Variants in MMP26 observed in about 807,000 individuals in gnomAD.
MMP26 encodes matrix metalloproteinase-26.
In MMP26, 33 loss-of-function variants were observed where a neutral mutation model predicts 31.0. The ratio of observed to expected loss-of-function variants is 1.06; its 90% CI spans 0.81 to 1.42. MMP26 has a LOEUF of 1.42. Ranked by LOEUF, MMP26 falls within the 40% of genes most tolerant of loss-of-function variation. MMP26 has a pLI of 0.00. For missense variants in MMP26, 347 were observed against 316.1 expected (o/e 1.10, Z -0.74); for synonymous variants, 122 against 114.9 (o/e 1.06, Z -0.40).
At chr11:4,870,721 A>G (rs1850299363) in intron 2 of MMP26, among the ~76,000 whole-genome samples, 1 of 152,090 alleles carries the variant, frequency 6.6e-6, no homozygotes, top group Admixed American at 6.6e-5. Flanking sequence ...CCTTAAGCAG[A>G]TGAAAAGAAA....
intron 2 of MMP26, among the ~76,000 whole-genome samples, chr11:4,802,887 A>G (rs2133453240): frequency 6.6e-6 from 1 of 152,324 alleles, no homozygotes; most frequent in Middle Eastern, 3.4e-3. Flanking sequence ...GGCACCTGAT[A>G]TTCAACAGAG....
At chr11:4,768,245 T>C (rs1848656928) in intron 2 of MMP26, among the ~76,000 whole-genome samples, 1 of 152,202 alleles carries the variant, frequency 6.6e-6, no homozygotes, top group Non-Finnish European at 1.5e-5. Flanking sequence ...AAGTTCCCAT[T>C]CCCTGTGATA....
intron 2 of MMP26, among the ~76,000 whole-genome samples, chr11:4,929,345 C>T (rs1396956016): frequency 6.6e-6 from 1 of 151,776 alleles, no homozygotes; most frequent in African/African-American, 2.4e-5. Flanking sequence ...ATTTCTGTTT[C>T]TCAGAAAAAA....
At chr11:4,748,378 G>T (rs1416408935) in intron 1 of MMP26, among the ~76,000 whole-genome samples, 1 of 151,834 alleles carries the variant, frequency 6.6e-6, no homozygotes, top group African/African-American at 2.4e-5. Context: ...AAGAAGAGTT[G>T]GTACCAATCC....
At chr11:4,898,866 T>G (rs1004308312) in intron 2 of MMP26, among the ~76,000 whole-genome samples, 1 of 140,524 alleles carries the variant, frequency 7.1e-6, no homozygotes, top group Non-Finnish European at 1.6e-5. Context: ...TGTGTGTGTG[T>G]GTGTGTGTGT....
intron 2 of MMP26, among the ~76,000 whole-genome samples, chr11:4,899,545 A>C (rs1850771393): frequency 6.6e-6 from 1 of 152,170 alleles, no homozygotes; most frequent in Non-Finnish European, 1.5e-5. Context: ...TGACCTTTTC[A>C]GGCTAAGGCT....
intron 2 of MMP26, among the ~76,000 whole-genome samples, chr11:4,895,459 C>G (rs181105947): frequency 1.3e-5 from 2 of 152,306 alleles, no homozygotes; most frequent in Admixed American, 6.5e-5. Context: ...TTTGCTGGGG[C>G]AGATCATTTG....
intron 1 of MMP26, among the ~76,000 whole-genome samples, chr11:4,720,444 A>T (rs140089182): frequency 6.6e-6 from 1 of 152,342 alleles, no homozygotes; most frequent in African/African-American, 2.4e-5. Context: ...GTTGAAGTGG[A>T]TATGCTATTC....
In MMP26 at chr11:4,952,913, A is replaced by G. The variant is rs1183175927; in HGVS notation, c.-144-35155A>G. On this transcript the variant is annotated intron_variant, in intron 2 of 7. Transcript: ENST00000380390. Reference sequence around the variant, plus strand: ...GCTGATTATTTTTTTTAAGCATTTGACATTCCTGGAAGGTGTTTCTTGATT... The same window carrying G: ...GCTGATTATTTTTTTTAAGCATTTGGCATTCCTGGAAGGTGTTTCTTGATT... 1.6e-5 allele frequency among the ~76,000 whole-genome samples: 2 copies of G among 124,430 alleles called. 1 individual carries two copies. The highest frequency in any genetic ancestry group is 3.6e-5 in the Non-Finnish European group (2 of 55,100). The allele number at this position is 124,430 out of a possible 152,430, so 81.6% of individuals were successfully genotyped here.
chr11:4,968,665 T>C lies in MMP26; in HGVS notation c.-144-19403T>C, dbSNP rs539963123. The stretch of plus-strand genomic sequence containing the variant: ...ACTAAAAAGGTATAGAAAAACACTT[T>C]TACAATTTCTTATTAAGAGCAGACA... On this transcript the variant is annotated intron_variant, in intron 2 of 7. Coordinates refer to ENST00000380390, the MANE Select transcript of MMP26 (RefSeq NM_021801.5). Among the ~76,000 whole-genome samples the C allele has an allele frequency of 2.2e-4, 34 of 152,052 alleles. 1 individual carries two copies. The East Asian group carries it at 5.8e-3, about 26-fold the overall frequency.
intron 2 of MMP26, among the ~76,000 whole-genome samples, chr11:4,854,952 G>A (rs556064527): frequency 1.2e-4 from 18 of 152,098 alleles, no homozygotes; most frequent in African/African-American, 4.1e-4. Context: ...AAGCAAACAG[G>A]GTCTGGAGCG....
At chr11:4,740,003 GA>G (rs575993624) in intron 1 of MMP26, among the ~76,000 whole-genome samples, 1 of 152,154 alleles carries the variant, frequency 6.6e-6, no homozygotes, top group Non-Finnish European at 1.5e-5. Context: ...GTCTCATATA[GA>G]AAATTTCAGG....
chr11:4,897,735 A>G (rs1478644215), intron 2 of MMP26, among the ~76,000 whole-genome samples: 4 of 151,752 alleles, frequency 2.6e-5, no homozygotes, highest in Middle Eastern at 3.4e-3. Context: ...TCTACCATAA[A>G]CAAATATTAT....
chr11:4,882,417 G>T, intron 2 of MMP26: 1 of 1,613,788 alleles, frequency 6.2e-7, no homozygotes, highest in Non-Finnish European at 8.5e-7. Flanking sequence ...TTTCATGGGG[G>T]TCACGAGCTT....
chr11:4,897,287 A>C (rs1175907937), intron 2 of MMP26, among the ~76,000 whole-genome samples: 1 of 151,938 alleles, frequency 6.6e-6, no homozygotes, highest in Non-Finnish European at 1.5e-5. Context: ...TTACAGACAC[A>C]TGCCACCACG....
chr11:4,789,530 CTTTTTTTTTTTTTTTTTTTTT>C (rs71050429), intron 2 of MMP26, among the ~76,000 whole-genome samples: 2 of 65,942 alleles, frequency 3.0e-5, no homozygotes, highest in Non-Finnish European at 5.4e-5. Context: ...TATCCCCCCA[CTTTTTTTTTTTTTTTTTTTTT>C]TTTTTTTTGA....
chr11:4,859,098 A>T (rs1253549916), intron 2 of MMP26, among the ~76,000 whole-genome samples: 1 of 152,242 alleles, frequency 6.6e-6, no homozygotes, highest in Non-Finnish European at 1.5e-5. Context: ...CTTAAATATT[A>T]GAACTAAAAC....
At chr11:4,907,486 C>T (rs762823566) in intron 2 of MMP26, 40 of 1,613,810 alleles carry the variant, frequency 2.5e-5, no homozygotes, top group Non-Finnish European at 3.1e-5. Flanking sequence ...TGCTTGCCAT[C>T]ATGGGCAACT....
intron 2 of MMP26, among the ~76,000 whole-genome samples, chr11:4,869,090 G>T (rs890831556): frequency 3.3e-5 from 5 of 152,166 alleles, no homozygotes; most frequent in African/African-American, 1.2e-4. Context: ...AGACTTAAAT[G>T]TTAGACCTAA....
Sources: allele counts gnomAD v4.1 joint callset (sites outside exome capture counted in the v4.1 genomes callset), GRCh38; gene constraint gnomAD v4.1.1; transcripts MANE v1.5; gene names NCBI Gene and HGNC (gene_info 2026-07-23, HGNC 2026-07-21).